The following DNAL1 variants were observed in gnomAD, a reference collection of about 807,000 sequenced individuals.
DNAL1 encodes chromosome 14 open reading frame 168.
In DNAL1, 17 loss-of-function variants were observed where a neutral mutation model predicts 29.4. That is an observed-to-expected ratio of 0.58 (90% confidence interval 0.40 to 0.87). The LOEUF is 0.87. Ranked by LOEUF, DNAL1 falls within the 40% of genes least tolerant of loss-of-function variation. The probability of loss-of-function intolerance (pLI) is 0.00; values close to 1 mark genes in which losing one functional copy is unlikely to be tolerated. For missense variants in DNAL1, 188 were observed against 214.1 expected, an observed-to-expected ratio of 0.88 and a Z score of 0.76; for synonymous variants, 78 against 76.3, an observed-to-expected ratio of 1.02 and a Z score of -0.12.
At chr14:73,681,946 C>A (rs1327595838) in intron 5 of DNAL1, among the ~76,000 whole-genome samples, 3 of 151,464 alleles carry the variant, frequency 2.0e-5, no homozygotes, top group Non-Finnish European at 4.4e-5. Context: ...AACCCCATCT[C>A]TATTGAAAAT....
At chr14:73,677,885 TGTGTGTG>T (rs1891783470) in intron 5 of DNAL1, among the ~76,000 whole-genome samples, 1 of 15,766 alleles carries the variant, frequency 6.3e-5, no homozygotes, top group Non-Finnish European at 1.4e-4. Flanking sequence ...TATATATATT[TGTGTGTG>T]TGTGTGTGTG....
In DNAL1 at chr14:73,647,589, G is replaced by A. The variant is rs149018766; in HGVS notation, c.3+2547G>A. On this transcript the variant is annotated intron_variant, in intron 1 of 7. Coordinates refer to ENST00000553645, the MANE Select transcript of DNAL1 (RefSeq NM_031427.4). ...TTTCCCCAAGTCCCACCTGCTAACA[G>A]TTGTCTGGAGCTGAGTAGAGGTTAT... Among the ~76,000 whole-genome samples, 515 of 152,252 alleles carry A rather than the reference G, an allele frequency of 3.4e-3. 1 individual carries two copies. The highest frequency in any genetic ancestry group is 6.1e-3 in the Non-Finnish European group (417 of 68,022).
intron 5 of DNAL1, among the ~76,000 whole-genome samples, chr14:73,677,759 G>C (rs867449114): frequency 1.3e-5 from 2 of 149,614 alleles, no homozygotes; most frequent in Non-Finnish European, 3.0e-5. Flanking sequence ...GGGTTTCACC[G>C]TGTTAGCCAG....
At chr14:73,649,486 G>C (rs1891065011) in intron 1 of DNAL1, among the ~76,000 whole-genome samples, 1 of 150,314 alleles carries the variant, frequency 6.7e-6, no homozygotes, top group Non-Finnish European at 1.5e-5. Context: ...GTTTCACCAT[G>C]ATAGCCAGGA....
intron 5 of DNAL1, among the ~76,000 whole-genome samples, chr14:73,677,403 C>G (rs1157640417): frequency 1.3e-5 from 2 of 151,372 alleles, no homozygotes; most frequent in Non-Finnish European, 2.9e-5. Flanking sequence ...CTCCTGGGCT[C>G]AAGTGACCCT....
intron 1 of DNAL1, chr14:73,651,073 C>T (rs1180542548): frequency 6.6e-6 from 1 of 152,178 alleles, no homozygotes; most frequent in African/African-American, 2.4e-5. Context: ...GTTCCTTGTA[C>T]TCTTGGGATA....
chr14:73,677,884 TTGTGTGTGTGTGTGTG>T (rs566825653), intron 5 of DNAL1, among the ~76,000 whole-genome samples: 29 of 96,132 alleles, frequency 3.0e-4, no homozygotes, highest in Middle Eastern at 5.0e-3. Context: ...ATATATATAT[TTGTGTGTGTGTGTGTG>T]TGTGTGTGTG....
At chr14:73,687,729 C>T (rs1369426343) in intron 6 of DNAL1, among the ~76,000 whole-genome samples, 3 of 152,000 alleles carry the variant, frequency 2.0e-5, no homozygotes, top group South Asian at 2.1e-4. Flanking sequence ...AAAAATTAGC[C>T]GGGCGTCGTG....
At chr14:73,691,785 C>T (rs1189559457) in intron 7 of DNAL1, among the ~76,000 whole-genome samples, 1 of 151,322 alleles carries the variant, frequency 6.6e-6, no homozygotes, top group Admixed American at 6.6e-5. Context: ...CCTCCGCCTC[C>T]CGGGTTCAAG....
In DNAL1 at chr14:73,696,042, AG is replaced by A; in HGVS notation, c.*101del. On this transcript the variant is annotated 3_prime_UTR_variant, in exon 8 of 8. Coordinates refer to ENST00000553645, the MANE Select transcript of DNAL1 (RefSeq NM_031427.4). ...TTTTAAAGATTCTGTATGGGACAAA[AG>A]TTTCTTAAGATAAAACAGATCACTC... 1 of 1,125,178 alleles carries A rather than the reference AG, an allele frequency of 8.9e-7. No individual in the cohort carries two copies. Among genetic ancestry groups the A allele is most frequent in the Non-Finnish European group, 1.3e-6 (1 of 794,508 alleles). The allele number at this position is 1,125,178 out of a possible 1,614,324, so 69.7% of individuals were successfully genotyped here.
chr14:73,667,486 A>G (rs1263528113), intron 4 of DNAL1, among the ~76,000 whole-genome samples: 1 of 152,066 alleles, frequency 6.6e-6, no homozygotes, highest in Non-Finnish European at 1.5e-5. Flanking sequence ...CTAGCCCCAG[A>G]TAAACCAACT....
chr14:73,703,213 G>A lies in DNAL1; in HGVS notation c.*7271G>A, dbSNP rs1174138100. 4.6e-5 allele frequency: 7 copies of A among 152,156 alleles called. No homozygotes were observed. The highest frequency in any genetic ancestry group is 7.2e-5 in the African/African-American group (3 of 41,438). The allele number at this position is 152,156 out of a possible 1,614,324, so 9.4% of individuals were successfully genotyped here. A position where few individuals can be genotyped will look rare whatever the true frequency, so the allele number is the denominator to read the frequency against. On this transcript the variant is annotated 3_prime_UTR_variant, in exon 8 of 8. Transcript: ENST00000553645. ...TTAGTTCATTGTTTCCTAGAACAAA[G>A]GATGGACATTTAGGATCCTCACATT... is the stretch of plus-strand genomic sequence containing the variant.
intron 1 of DNAL1, among the ~76,000 whole-genome samples, chr14:73,649,271 G>T (rs1388095755): frequency 2.0e-5 from 3 of 150,668 alleles, no homozygotes; most frequent in Non-Finnish European, 3.0e-5. Flanking sequence ...ACAGTGCCCG[G>T]CTGATGTGTT....
At chr14:73,682,879 T>A (rs111459309) in intron 5 of DNAL1, among the ~76,000 whole-genome samples, 7 of 147,422 alleles carry the variant, frequency 4.7e-5, no homozygotes, top group Admixed American at 2.0e-4. Flanking sequence ...ATTTTTTTTT[T>A]TTTTTTTTTT....
chr14:73,661,904 T>C, intron 3 of DNAL1, 83 bp from the exon 4 acceptor site: 1 of 810,060 alleles, frequency 1.2e-6, no homozygotes, highest in Non-Finnish European at 1.9e-6. Context: ...AATATTATCT[T>C]TTATGGGCAC....
At chr14:73,693,281 T>A (rs1434596536) in intron 7 of DNAL1, among the ~76,000 whole-genome samples, 1 of 152,026 alleles carries the variant, frequency 6.6e-6, no homozygotes, top group African/African-American at 2.4e-5. Context: ...TACAAAACTC[T>A]ACACATACAT....
rs1420902214 is a variant in DNAL1, at chr14:73,696,855, AC to A, written c.*915del. On this transcript the variant is annotated 3_prime_UTR_variant, in exon 8 of 8. Coordinates refer to ENST00000553645, the MANE Select transcript of DNAL1 (RefSeq NM_031427.4). ...ACCCTCATTGTTGGGAAAAGTGACT[AC>A]CATGGTTATAAGTAAGGGTATAATG... 6.6e-6 allele frequency: 1 copy of A among 152,196 alleles called. No homozygotes were observed. Among genetic ancestry groups the A allele is most frequent in the Non-Finnish European group, 1.5e-5 (1 of 68,042 alleles). 9.4% of individuals were successfully genotyped at this position (152,196 alleles called of 1,614,324 possible).
Position 73,701,020 on chromosome 14 carries a change from A to G in DNAL1, c.*5078A>G, listed in dbSNP as rs1892425620. ...ATCTGTATCTCTATTCCTGCATTTTATAAATCTGTAAAGGAAGAAAACTGA... is the reference window on the plus strand; with the variant it reads ...ATCTGTATCTCTATTCCTGCATTTTGTAAATCTGTAAAGGAAGAAAACTGA... On this transcript the variant is annotated 3_prime_UTR_variant, in exon 8 of 8. Coordinates refer to ENST00000553645, the MANE Select transcript of DNAL1 (RefSeq NM_031427.4). 1 of 152,254 alleles carries G rather than the reference A, an allele frequency of 6.6e-6. No individual in the cohort carries two copies. Among genetic ancestry groups the G allele is most frequent in the South Asian group, 2.1e-4 (1 of 4,832 alleles). 9.4% of individuals were successfully genotyped at this position (152,254 alleles called of 1,614,324 possible). A position where few individuals can be genotyped will look rare whatever the true frequency, so the allele number is the denominator to read the frequency against.
chr14:73,682,483 C>A (rs1167317284), intron 5 of DNAL1, among the ~76,000 whole-genome samples: 3 of 151,546 alleles, frequency 2.0e-5, no homozygotes. Context: ...GCCACTGCGC[C>A]CGGCCAACTT....
Sources: allele counts gnomAD v4.1 joint callset (sites outside exome capture counted in the v4.1 genomes callset), GRCh38; gene constraint gnomAD v4.1.1; transcripts MANE v1.5; gene names NCBI Gene and HGNC (gene_info 2026-07-23, HGNC 2026-07-21).